LY96: variants seen among roughly 807,000 people sequenced by gnomAD.
The protein encoded by LY96 is lymphocyte antigen 96, also known as myeloid differentiation protein-2.
In LY96, 18 loss-of-function variants were observed where a neutral mutation model predicts 18.9. The ratio of observed to expected loss-of-function variants is 0.95; its 90% CI spans 0.66 to 1.41. The LOEUF (loss-of-function observed/expected upper bound fraction) is 1.41, where lower values mean the gene tolerates loss of function less well. Ranked by LOEUF, LY96 falls within the 40% of genes most tolerant of loss-of-function variation. LY96 has a pLI of 0.00. For missense variants in LY96, 175 were observed against 182.4 expected, an observed-to-expected ratio of 0.96 and a Z score of 0.23; for synonymous variants, 66 against 62.6, an observed-to-expected ratio of 1.06 and a Z score of -0.26.
the LY96 span, chr8:74,079,535 T>C: frequency 6.6e-6 from 1 of 152,178 alleles, no homozygotes; most frequent in African/African-American, 2.4e-5. Context: ...TAGATGGCTG[T>C]GGTGTTCGCT....
the LY96 span, among the ~76,000 whole-genome samples, chr8:74,041,643 G>T: frequency 6.6e-6 from 1 of 152,212 alleles, no homozygotes; most frequent in Non-Finnish European, 1.5e-5. Context: ...TTATGCGGTT[G>T]AGATGAGGAC....
At chr8:74,020,695 C>G (rs1053220550) in intron 3 of LY96, among the ~76,000 whole-genome samples, 4 of 152,200 alleles carry the variant, frequency 2.6e-5, no homozygotes, top group Non-Finnish European at 5.9e-5. Flanking sequence ...GTAACCAAAA[C>G]AGCATGGTAC....
rs539386615 is a variant in LY96 at position 74,010,067 on chromosome 8, G to A, written c.269G>A (p.Arg90His). The A allele has an allele frequency of 1.1e-5, 17 of 1,611,914 alleles. No homozygotes were observed. Among genetic ancestry groups the A allele is most frequent in the South Asian group, 7.7e-5 (7 of 91,042 alleles). ...ITVNTMNLPK[R>H]KEVICRGSDD... ...GTCAACACCATGAATCTTCCAAAGCGCAAAGAAGTTATTTGCCGAGGATCT... is the reference window on the plus strand; with the variant it reads ...GTCAACACCATGAATCTTCCAAAGCACAAAGAAGTTATTTGCCGAGGATCT... Residue 90 changes from arginine (R) to histidine (H), a missense_variant, in exon 3 of 5, where the codon CGC (arginine) becomes CAC (histidine). Transcript: ENST00000284818.
Position 74,029,036 on chromosome 8 carries a change from C to T in LY96, c.465C>T (p.His155=). The change falls in exon 5 of 5, where the codon CAC becomes CAT. Residue 155 remains histidine, a synonymous_variant. Transcript: ENST00000284818. ...TTTGCTTGGAGTTTGTCATCCTACA[C>T]CAACCTAATTCAAATTAGAATAAAT... ...MLFCLEFVIL[H]QPNSN 2.5e-6 allele frequency: 4 copies of T among 1,605,452 alleles called. No individual in the cohort carries two copies. The highest frequency in any genetic ancestry group is 3.4e-6 in the Non-Finnish European group (4 of 1,173,184).
At chr8:74,038,724 A>G in the LY96 span, among the ~76,000 whole-genome samples, 1 of 152,086 alleles carries the variant, frequency 6.6e-6, no homozygotes, top group African/African-American at 2.4e-5. Flanking sequence ...ATAGTATTCT[A>G]TTGTGTAAAT....
At chr8:74,061,996 A>T in the LY96 span, among the ~76,000 whole-genome samples, 1 of 152,230 alleles carries the variant, frequency 6.6e-6, no homozygotes, top group African/African-American at 2.4e-5. Context: ...ACTTTTTGGT[A>T]AATTATTGCA....
At chr8:74,049,509 A>C in the LY96 span, among the ~76,000 whole-genome samples, 4 of 152,226 alleles carry the variant, frequency 2.6e-5, no homozygotes, top group African/African-American at 9.6e-5. Context: ...CCTGAGGTAC[A>C]TGAAGAGGTT....
chr8:74,095,730 T>A, the LY96 span, among the ~76,000 whole-genome samples: 4 of 152,226 alleles, frequency 2.6e-5, no homozygotes, highest in East Asian at 7.7e-4. Context: ...TTCCTTCTCT[T>A]TTCATTGACA....
chr8:74,095,047 A>C, the LY96 span, among the ~76,000 whole-genome samples: 4 of 152,212 alleles, frequency 2.6e-5, no homozygotes, highest in Non-Finnish European at 5.9e-5. Flanking sequence ...TGAATTTCCC[A>C]ATATTATTGT....
chr8:74,065,771 A>G, the LY96 span, among the ~76,000 whole-genome samples: 8 of 152,260 alleles, frequency 5.3e-5, no homozygotes, highest in Admixed American at 2.6e-4. Flanking sequence ...GTAGCTATTA[A>G]GACAATCTTC....
chr8:74,004,671 A>G (rs1816371459), intron 1 of LY96, 125 bp from the exon 2 acceptor site: 1 of 900,738 alleles, frequency 1.1e-6, no homozygotes, highest in Non-Finnish European at 1.7e-6. Flanking sequence ...ATTTTCAATC[A>G]TCATCAATTT....
chr8:74,051,900 A>G, the LY96 span, among the ~76,000 whole-genome samples: 5 of 152,188 alleles, frequency 3.3e-5, no homozygotes, highest in Non-Finnish European at 4.4e-5. Context: ...ATACTAAGAC[A>G]GTGGGGTTCA....
At chr8:74,054,612 TTTTCCTTCTTTCTTTCTTTCTTTCTTTC>T in the LY96 span, among the ~76,000 whole-genome samples, 16 of 69,722 alleles carry the variant, frequency 2.3e-4, no homozygotes, top group African/African-American at 9.1e-4. Flanking sequence ...TCTTGTTTCC[TTTTCCTTCTTTCTTTCTTTCTTTCTTTC>T]TTTCTTTCTT....
At chr8:74,098,272 A>C in the LY96 span, among the ~76,000 whole-genome samples, 1 of 152,334 alleles carries the variant, frequency 6.6e-6, no homozygotes, top group South Asian at 2.1e-4. Flanking sequence ...TGTATAAAAA[A>C]GTAAGGCCTT....
intron 3 of LY96, among the ~76,000 whole-genome samples, chr8:74,019,265 A>G (rs1816708063): frequency 6.6e-6 from 1 of 152,210 alleles, no homozygotes; most frequent in South Asian, 2.1e-4. Context: ...AGAAATACAA[A>G]CTACTATCAG....
intron 1 of LY96, among the ~76,000 whole-genome samples, chr8:73,993,169 T>C (rs1816046385): frequency 6.6e-6 from 1 of 151,792 alleles, no homozygotes. Context: ...TTTATGCCAC[T>C]CTTTATATGG....
intron 2 of LY96, among the ~76,000 whole-genome samples, chr8:74,005,331 A>G (rs1816389611): frequency 6.6e-6 from 1 of 152,176 alleles, no homozygotes; most frequent in East Asian, 1.9e-4. Flanking sequence ...GGCAAGTCAC[A>G]ATCTTATATA....
chr8:74,096,860 G>A, the LY96 span, among the ~76,000 whole-genome samples: 5 of 152,136 alleles, frequency 3.3e-5, no homozygotes, highest in African/African-American at 1.2e-4. Flanking sequence ...TTGATCGGGG[G>A]AGACCTCACT....
intron 1 of LY96, among the ~76,000 whole-genome samples, chr8:74,001,187 T>C (rs1179601411): frequency 4.0e-5 from 6 of 151,582 alleles, no homozygotes; most frequent in African/African-American, 1.5e-4. Context: ...TGGAGACCAG[T>C]CTGGGCAACA....
Sources: gnomAD v4.1 joint callset for allele counts (sites outside exome capture counted in the v4.1 genomes callset) on GRCh38, gnomAD v4.1.1 for gene constraint, MANE v1.5 for transcripts, NCBI Gene and HGNC (gene_info 2026-07-23, HGNC 2026-07-21) for gene names.